The following PHC2 variants were observed in gnomAD, a reference collection of about 807,000 sequenced individuals.
PHC2 encodes polyhomeotic-like protein 2.
A neutral mutation model predicts 87.4 loss-of-function variants in PHC2; 29 were observed. That is an observed-to-expected ratio of 0.33 (90% CI 0.25 to 0.45). The LOEUF (loss-of-function observed/expected upper bound fraction) is 0.45, where lower values mean the gene tolerates loss of function less well. PHC2 is among the 20% of genes least tolerant of loss of function. The pLI is 1.00. For synonymous variants in PHC2, 438 were observed against 461.7 expected (o/e 0.95, Z 0.66); for missense variants, 857 against 1,136.7 (o/e 0.75, Z 3.54).
chr1:33,331,364 TG>T lies in PHC2; in HGVS notation c.1989del (p.Met664TrpfsTer68). 6.2e-7 allele frequency: 1 copy of T among 1,604,756 alleles called. No homozygotes were observed. The highest frequency in any genetic ancestry group is 8.5e-7 in the Non-Finnish European group (1 of 1,172,016). ...GCCACTCACCTCTTTGCACAAGCCA[TG>T]GAACAGAAGCGCTTGGAACGCTTGA... The part of the protein sequence containing the change: ...YKFKRSKRFC[S>X]MACAKRYNVG... On this transcript the variant is annotated frameshift_variant, in exon 12 of 15. Transcript: ENST00000683057. LOFTEE classifies it high-confidence loss of function. The surrounding 1 kb of genome is among the most constrained non-coding windows in gnomAD (Gnocchi z 5.2).
At chr1:33,426,069 G>A (rs1160729404) in intron 1 of PHC2, among the ~76,000 whole-genome samples, 1 of 152,220 alleles carries the variant, frequency 6.6e-6, no homozygotes, top group Non-Finnish European at 1.5e-5. Flanking sequence ...CCAGAAGTGA[G>A]AGGAGCAAGA....
In PHC2 at chr1:33,382,674, T is replaced by C. The variant is rs1030389412; in HGVS notation, c.-54-7081A>G. On this transcript the variant is annotated intron_variant, in intron 1 of 14. Transcript: ENST00000683057. This position sits in a 1 kb window ranked among gnomAD's most constrained non-coding sequence, Gnocchi z 4.3. The stretch of plus-strand genomic sequence containing the variant: ...CTGCAATGGGCCACTTTGAATGATG[T>C]GCTGAATATAACTGGCTTGGATAGT... 4.6e-5 allele frequency among the ~76,000 whole-genome samples: 7 copies of C among 152,176 alleles called. No homozygotes were observed. The highest frequency in any genetic ancestry group is 8.8e-5 in the Non-Finnish European group (6 of 68,032).
chr1:33,344,389 A>G (rs10798941), intron 9 of PHC2, among the ~76,000 whole-genome samples: 152,013 of 152,304 alleles, frequency 1, 75,861 homozygotes, highest in Middle Eastern at 1. Context: ...AGGAGGGAAC[A>G]CTAAGCCTCA....
intron 9 of PHC2, among the ~76,000 whole-genome samples, chr1:33,335,996 G>GTT (rs200111745): frequency 1.0e-4 from 15 of 146,474 alleles, no homozygotes; most frequent in African/African-American, 2.2e-4. Context: ...TGTTGTTGTT[G>GTT]TTTTTTTTTT....
chr1:33,426,997 T>C (rs1360707097), intron 1 of PHC2, among the ~76,000 whole-genome samples: 2 of 152,170 alleles, frequency 1.3e-5, no homozygotes, highest in African/African-American at 4.8e-5. Context: ...CCTGGGAGAC[T>C]GCACAGGCTG....
At chr1:33,417,347 T>C (rs1404449221) in intron 1 of PHC2, among the ~76,000 whole-genome samples, 1 of 152,086 alleles carries the variant, frequency 6.6e-6, no homozygotes, top group African/African-American at 2.4e-5. Flanking sequence ...AAGCAGAAAT[T>C]TTTATATTGG....
intron 9 of PHC2, among the ~76,000 whole-genome samples, chr1:33,348,821 C>A (rs1436254818): frequency 1.3e-5 from 2 of 152,152 alleles, no homozygotes; most frequent in African/African-American, 4.8e-5. Context: ...TTGTTCAGAA[C>A]CGAAAGTATG....
intron 1 of PHC2, among the ~76,000 whole-genome samples, chr1:33,400,290 G>T (rs988800056): frequency 1.3e-5 from 2 of 152,114 alleles, no homozygotes; most frequent in African/African-American, 4.8e-5. Flanking sequence ...TTGCACTCAG[G>T]GATACACATC....
intron 9 of PHC2, chr1:33,345,999 G>C (rs971018255): frequency 1.0e-6 from 1 of 985,038 alleles, no homozygotes; most frequent in African/African-American, 1.7e-5. Context: ...ATTCAAAAAG[G>C]GTTTTAACTG....
Position 33,354,421 on chromosome 1 carries a change from A to G in PHC2, c.1538T>C (p.Ile513Thr), listed in dbSNP as rs773858664. Residue 513 changes from isoleucine (I) to threonine (T), a missense_variant, in exon 9 of 15, where the codon ATC becomes ACC. Ile to Thr is a moderately conservative substitution (Grantham distance 89). Around this residue, in one of 3 missense-constraint regions of PHC2, gnomAD observed 832 missense variants for 1,081.8 expected, o/e 0.77. Coordinates refer to ENST00000683057, the MANE Select transcript of PHC2 (RefSeq NM_001385109.1). ...CATACCGTGAGCTGGGGACGGCTGGATGTTAGGGCTCGTGGGTACAGGCAG... is the reference window on the plus strand; with the variant it reads ...CATACCGTGAGCTGGGGACGGCTGGGTGTTAGGGCTCGTGGGTACAGGCAG... ...GGLPVPTSPNIQPSPAHETGQ... is the reference protein window; with the variant it reads ...GGLPVPTSPNTQPSPAHETGQ... 11 of 1,613,264 alleles carry G rather than the reference A, an allele frequency of 6.8e-6. No homozygotes were observed. Among genetic ancestry groups the G allele is most frequent in the Non-Finnish European group, 7.6e-6 (9 of 1,179,800 alleles).
intron 1 of PHC2, among the ~76,000 whole-genome samples, chr1:33,379,749 C>T (rs1373723342): frequency 1.3e-5 from 2 of 151,418 alleles, no homozygotes; most frequent in African/African-American, 4.9e-5. Flanking sequence ...CCACTCTTGC[C>T]CTCTTGCCCC....
At chr1:33,335,513 A>G (rs982711578) in intron 9 of PHC2, among the ~76,000 whole-genome samples, 3 of 152,254 alleles carry the variant, frequency 2.0e-5, no homozygotes, top group African/African-American at 7.2e-5. Context: ...AGATGCTCAT[A>G]TTTCATGTTA....
In PHC2 at chr1:33,349,792, A is replaced by C. The variant is rs1646926868; in HGVS notation, c.1558+4609T>G. 1 of 976,590 alleles carries C rather than the reference A, an allele frequency of 1.0e-6. No homozygotes were observed. Among genetic ancestry groups the C allele is most frequent in the Non-Finnish European group, 1.2e-6 (1 of 825,552 alleles). The allele number at this position is 976,590 out of a possible 1,614,324, so 60.5% of individuals were successfully genotyped here. ...GTCAACAAAGGGCGGCCGGGGCGCG[A>C]GGCCGGGACGGGGGCGCGAGGCCGG... On this transcript the variant is annotated intron_variant, in intron 9 of 14. Transcript: ENST00000683057. This position sits in a 1 kb window ranked among gnomAD's most constrained non-coding sequence, Gnocchi z 4.2.
intron 1 of PHC2, among the ~76,000 whole-genome samples, chr1:33,383,903 CAG>C (rs147979981): frequency 0.22 from 33,730 of 151,896 alleles, 3,761 homozygotes; most frequent in African/African-American, 0.25. Flanking sequence ...AGGAAGGACT[CAG>C]GGGGAGCATG....
intron 1 of PHC2, among the ~76,000 whole-genome samples, chr1:33,377,032 G>C (rs1210337217): frequency 1.3e-5 from 2 of 151,198 alleles, no homozygotes; most frequent in African/African-American, 4.9e-5. Context: ...GTGCCCTCTG[G>C]ATCTAACGCT....
At chr1:33,404,551 G>C (rs193165285) in intron 1 of PHC2, among the ~76,000 whole-genome samples, 1 of 152,164 alleles carries the variant, frequency 6.6e-6, no homozygotes, top group East Asian at 1.9e-4. Context: ...GCACACAATA[G>C]GGTCTTAAAT....
At chr1:33,341,373 CAT>C (rs1646742390) in intron 9 of PHC2, among the ~76,000 whole-genome samples, 1 of 152,198 alleles carries the variant, frequency 6.6e-6, no homozygotes, top group African/African-American at 2.4e-5. Flanking sequence ...GAGGACAAGA[CAT>C]GTAAACTGTA....
chr1:33,370,348 C>G (rs1348309983), intron 5 of PHC2, 73 bp downstream of exon 5: 2 of 1,474,484 alleles, frequency 1.4e-6, no homozygotes, highest in Non-Finnish European at 1.9e-6. Context: ...CCTTCTCCAG[C>G]TCCCAGCTCC....
intron 1 of PHC2, among the ~76,000 whole-genome samples, chr1:33,393,213 T>A (rs1257874703): frequency 3.3e-5 from 5 of 152,124 alleles, no homozygotes; most frequent in African/African-American, 1.2e-4. Context: ...CTGAAAACCC[T>A]ACCTTCCTAG....
Sources: gnomAD v4.1 joint callset for allele counts (sites outside exome capture counted in the v4.1 genomes callset) on GRCh38, gnomAD v4.1.1 for gene constraint, gnomAD v4.1.1 regional missense constraint, Gnocchi (gnomAD v3.1) non-coding constraint, MANE v1.5 for transcripts, NCBI Gene and HGNC (gene_info 2026-07-23, HGNC 2026-07-21) for gene names.